Variants in ZFP14 observed in about 807,000 individuals in gnomAD.
ZFP14 encodes ZFP14 zinc finger protein.
Under a neutral mutation model 54.5 loss-of-function variants are expected in ZFP14, and 22 were observed. The observed-to-expected ratio is 0.40, with a 90% CI of 0.29 to 0.58. The LOEUF is 0.58. Ranked by LOEUF, ZFP14 falls within the 20% of genes least tolerant of loss-of-function variation. The probability of loss-of-function intolerance (pLI) is 0.39; values close to 1 mark genes in which losing one functional copy is unlikely to be tolerated. For synonymous variants in ZFP14, 159 were observed against 204.0 expected (o/e 0.78, Z 1.88); for missense variants, 470 against 637.8 (o/e 0.74, Z 2.83).
intron 4 of ZFP14, among the ~76,000 whole-genome samples, chr19:36,356,086 C>G (rs1266508432): frequency 7.1e-6 from 1 of 141,698 alleles, no homozygotes; most frequent in Non-Finnish European, 1.6e-5. Context: ...GTAGACTTCA[C>G]CCAGCCCCTC....
In ZFP14 at chr19:36,355,415, C is replaced by T. The variant is rs960784653; in HGVS notation, c.235+5020G>A. ...GAAGAGGGCCAGGTGCAGTGGCTCG[C>T]GCCTGTAATCCCAGCACCTTGGGAG... is the stretch of plus-strand genomic sequence containing the variant. On this transcript the variant is annotated intron_variant, in intron 4 of 4. Coordinates refer to ENST00000270001, the MANE Select transcript of ZFP14 (RefSeq NM_020917.3). 4.2e-5 allele frequency among the ~76,000 whole-genome samples: 6 copies of T among 142,406 alleles called. 1 individual carries two copies. The highest frequency in any genetic ancestry group is 9.3e-5 in the Non-Finnish European group (6 of 64,254). 93.4% of individuals were successfully genotyped at this position (142,406 alleles called of 152,430 possible). A position where few individuals can be genotyped will look rare whatever the true frequency, so the allele number is the denominator to read the frequency against.
chr19:36,356,567 C>G (rs1490867486), intron 4 of ZFP14, among the ~76,000 whole-genome samples: 1 of 152,102 alleles, frequency 6.6e-6, no homozygotes, highest in African/African-American at 2.4e-5. Flanking sequence ...AAACCACCAC[C>G]AAAATCAAGA....
intron 4 of ZFP14, among the ~76,000 whole-genome samples, chr19:36,349,040 C>T (rs1298172060): frequency 6.6e-6 from 1 of 150,992 alleles, no homozygotes; most frequent in Non-Finnish European, 1.5e-5. Context: ...CCAGCCTGGC[C>T]AACGTGGTGA....
intron 2 of ZFP14, 36 bp from the exon 3 acceptor site, chr19:36,362,274 A>G: frequency 6.4e-7 from 1 of 1,571,856 alleles, no homozygotes; most frequent in Admixed American, 2.0e-5. Flanking sequence ...TTGTGAAAAT[A>G]AATTAAATAC....
rs2031290691 is a variant in ZFP14, at chr19:36,340,579, C to T, written c.1247G>A (p.Ser416Asn). Residue 416 changes from serine to asparagine, a missense_variant, in exon 5 of 5, where the codon AGC becomes AAC. Physicochemically the swap from Ser to Asn is conservative, Grantham distance 46. Transcript: ENST00000270001. This position sits in a 1 kb window ranked among gnomAD's most constrained non-coding sequence, Gnocchi z 5.4. ...ATAGGGTCTCTCACCAATATGAATGCTCTGGTGTGAAATAAGCTGTGAGTA... is the reference window on the plus strand; with the variant it reads ...ATAGGGTCTCTCACCAATATGAATGTTCTGGTGTGAAATAAGCTGTGAGTA... ...SSYSQLISHQSIHIGERPYEC... is the reference protein window; with the variant it reads ...SSYSQLISHQNIHIGERPYEC... 2 of 1,613,800 alleles carry T rather than the reference C, an allele frequency of 1.2e-6. No individual in the cohort carries two copies. The highest frequency in any genetic ancestry group is 3.3e-5 in the Admixed American group (2 of 59,996).
intron 1 of ZFP14, among the ~76,000 whole-genome samples, chr19:36,370,249 G>A (rs192476088): frequency 4.3e-4 from 66 of 152,326 alleles, no homozygotes; most frequent in African/African-American, 1.4e-3. Context: ...AGGCAGCACA[G>A]TGTAGACAGA....
chr19:36,344,327 TA>T (rs1365331101), intron 4 of ZFP14, among the ~76,000 whole-genome samples: 3 of 152,088 alleles, frequency 2.0e-5, no homozygotes, highest in Non-Finnish European at 4.4e-5. Context: ...TTCATATTTA[TA>T]ACACTTTCTC....
intron 4 of ZFP14, among the ~76,000 whole-genome samples, chr19:36,358,069 TATCTATCTATCTATCTATCTATC>T (rs1198563444): frequency 2.2e-4 from 32 of 146,778 alleles, no homozygotes; most frequent in African/African-American, 7.6e-4. Context: ...TCTATCTATC[TATCTATCTATCTATCTATCTATC>T]ATCTATCTAT....
intron 4 of ZFP14, among the ~76,000 whole-genome samples, chr19:36,352,916 G>A (rs1446074159): frequency 4.4e-5 from 6 of 135,642 alleles, no homozygotes; most frequent in South Asian, 2.3e-4. Context: ...ACTCCAGCCC[G>A]GGCGACAGAG....
chr19:36,362,291 A>C, intron 2 of ZFP14, 53 bp from the exon 3 acceptor site: 1 of 1,551,318 alleles, frequency 6.4e-7, no homozygotes, highest in East Asian at 2.3e-5. Context: ...ATACTTTTAA[A>C]ATGGAAAGAG....
chr19:36,348,609 G>C (rs1439185599), intron 4 of ZFP14, among the ~76,000 whole-genome samples: 1 of 152,138 alleles, frequency 6.6e-6, no homozygotes, highest in Non-Finnish European at 1.5e-5. Flanking sequence ...CGATTCTCCT[G>C]CCTCAGCCTC....
Position 36,339,995 on chromosome 19 carries a change from G to A in ZFP14, c.*229C>T, listed in dbSNP as rs1030500697. The A allele has an allele frequency of 6.0e-5, 24 of 399,456 alleles. No individual in the cohort carries two copies. Among genetic ancestry groups the A allele is most frequent in the African/African-American group, 4.5e-4 (22 of 48,758 alleles). The allele number at this position is 399,456 out of a possible 1,614,324, so 24.7% of individuals were successfully genotyped here. A position where few individuals can be genotyped will look rare whatever the true frequency, so the allele number is the denominator to read the frequency against. On this transcript the variant is annotated 3_prime_UTR_variant, in exon 5 of 5. Transcript: ENST00000270001. ...ACTGGTAATCAAGTGGAGAAAGGGAGATAATGACAGATAAGGCTAAAGATT... is the reference window on the plus strand; with the variant it reads ...ACTGGTAATCAAGTGGAGAAAGGGAAATAATGACAGATAAGGCTAAAGATT...
chr19:36,376,285 G>A (rs1374976658), intron 1 of ZFP14, among the ~76,000 whole-genome samples: 1 of 152,004 alleles, frequency 6.6e-6, no homozygotes, highest in Admixed American at 6.6e-5. Flanking sequence ...TTCTACTCAG[G>A]CCTGTAATCC....
chr19:36,367,892 TG>T lies in ZFP14; in HGVS notation c.-1del. 3.7e-6 allele frequency: 6 copies of T among 1,612,448 alleles called. No homozygotes were observed. In the Admixed American group the frequency reaches 8.3e-5, roughly 22 times the overall value. On this transcript the variant is annotated 5_prime_UTR_variant, in exon 2 of 5. Coordinates refer to ENST00000270001, the MANE Select transcript of ZFP14 (RefSeq NM_020917.3). Reference sequence around the variant, plus strand: ...GAGAAACATTAACTTACATGGGCCATGGTTTTAGAACTGCAAAAACTGGTCA... The same window carrying T: ...GAGAAACATTAACTTACATGGGCCATGTTTTAGAACTGCAAAAACTGGTCA...
At position 36,352,844 on chromosome 19, in the gene ZFP14, G is replaced by C. The variant is rs1357304368; in HGVS notation, c.235+7591C>G. Among the ~76,000 whole-genome samples, 7 of 141,530 alleles carry C rather than the reference G, an allele frequency of 4.9e-5. 2 individuals are homozygous for C. Among genetic ancestry groups the C allele is most frequent in the African/African-American group, 1.8e-4 (7 of 38,430 alleles). The allele number at this position is 141,530 out of a possible 152,430, so 92.8% of individuals were successfully genotyped here. ...TAGTCCCAGCTACTTGGGAGGCTGA[G>C]GCAGAAGAATGGCGTGAACCCGGGA... is the stretch of plus-strand genomic sequence containing the variant. On this transcript the variant is annotated intron_variant, in intron 4 of 4. Transcript: ENST00000270001.
At chr19:36,377,106 C>T (rs574213317) in intron 1 of ZFP14, among the ~76,000 whole-genome samples, 22 of 152,276 alleles carry the variant, frequency 1.4e-4, no homozygotes, top group Admixed American at 1.2e-3. Flanking sequence ...AAAACCCCAT[C>T]GTATTGTCAC....
chr19:36,356,652 A>C (rs984854604), intron 4 of ZFP14, among the ~76,000 whole-genome samples: 14 of 151,998 alleles, frequency 9.2e-5, no homozygotes, highest in African/African-American at 3.4e-4. Flanking sequence ...TACGCCCTAC[A>C]TCCCTACCCT....
rs1275905305 is a variant in ZFP14 at position 36,336,954 on chromosome 19, AT to A, written c.*3269del. On this transcript the variant is annotated 3_prime_UTR_variant, in exon 5 of 5. Transcript: ENST00000270001. ...ATTTAGTTTCCAGCTCTCTTTGCCA[AT>A]TATTTCTTTTGCTAGAATATTTTAA... 7.7e-6 allele frequency: 1 copy of A among 129,086 alleles called. No homozygotes were observed. The highest frequency in any genetic ancestry group is 1.7e-5 in the Non-Finnish European group (1 of 59,050). The allele number at this position is 129,086 out of a possible 1,614,324, so 8.0% of individuals were successfully genotyped here. A position where few individuals can be genotyped will look rare whatever the true frequency, so the allele number is the denominator to read the frequency against.
At chr19:36,348,975 C>T (rs941481748) in intron 4 of ZFP14, among the ~76,000 whole-genome samples, 3 of 151,910 alleles carry the variant, frequency 2.0e-5, no homozygotes, top group Admixed American at 1.3e-4. Context: ...CACCTGTAAT[C>T]CCAGCACTTT....
Sources: gnomAD v4.1 joint callset for allele counts (sites outside exome capture counted in the v4.1 genomes callset) on GRCh38, gnomAD v4.1.1 for gene constraint, Gnocchi (gnomAD v3.1) non-coding constraint, MANE v1.5 for transcripts, NCBI Gene and HGNC (gene_info 2026-07-23, HGNC 2026-07-21) for gene names.